AGBL4: variants seen among roughly 807,000 people sequenced by gnomAD.
The protein encoded by AGBL4 is AGBL carboxypeptidase 4, also known as cytosolic carboxypeptidase 6.
A neutral mutation model predicts 66.4 loss-of-function variants in AGBL4; 58 were observed. That is an observed-to-expected ratio of 0.87 (90% CI 0.71 to 1.09). The LOEUF (loss-of-function observed/expected upper bound fraction) is 1.09, where lower values mean the gene tolerates loss of function less well. Ranked by LOEUF, AGBL4 falls within the 50% of genes least tolerant of loss-of-function variation. AGBL4 has a pLI of 0.00. For synonymous variants in AGBL4, 234 were observed against 222.9 expected (o/e 1.05, Z -0.44); for missense variants, 579 against 631.0 (o/e 0.92, Z 0.88).
At chr1:49,085,292 AT>A (rs1644885883) in intron 4 of AGBL4, among the ~76,000 whole-genome samples, 1 of 151,532 alleles carries the variant, frequency 6.6e-6, no homozygotes, top group Non-Finnish European at 1.5e-5. Context: ...CATCATCATC[AT>A]CATCATCATC....
intron 6 of AGBL4, among the ~76,000 whole-genome samples, chr1:48,706,253 CAAA>C (rs1646879032): frequency 6.6e-6 from 1 of 151,604 alleles, no homozygotes; most frequent in South Asian, 2.1e-4. Context: ...AGAAAAATGC[CAAA>C]AGGAAACTTA....
At chr1:49,877,602 A>G (rs1031993331) in intron 1 of AGBL4, among the ~76,000 whole-genome samples, 9 of 152,058 alleles carry the variant, frequency 5.9e-5, no homozygotes, top group African/African-American at 2.2e-4. Context: ...TTCATCAAGG[A>G]TATTGGTCTA....
chr1:49,845,167 C>A, intron 2 of AGBL4: 2 of 1,409,450 alleles, frequency 1.4e-6, no homozygotes, highest in Non-Finnish European at 2.0e-6. Flanking sequence ...TTATGAATGT[C>A]ACAAATGAGG....
chr1:50,000,428 T>A (rs1019683028), intron 1 of AGBL4, among the ~76,000 whole-genome samples: 1 of 152,116 alleles, frequency 6.6e-6, no homozygotes, highest in South Asian at 2.1e-4. Flanking sequence ...TAATAAGATG[T>A]TGGCGTGGAT....
At chr1:49,303,167 A>G (rs1644786220) in intron 3 of AGBL4, among the ~76,000 whole-genome samples, 1 of 152,168 alleles carries the variant, frequency 6.6e-6, no homozygotes, top group African/African-American at 2.4e-5. Context: ...TTCTTTGAGT[A>G]TAATACCTTG....
At chr1:49,450,488 T>G (rs749401801) in intron 3 of AGBL4, among the ~76,000 whole-genome samples, 2 of 152,210 alleles carry the variant, frequency 1.3e-5, no homozygotes, top group African/African-American at 2.4e-5. Flanking sequence ...TTCCCATAGT[T>G]GGAGAGATTA....
At chr1:49,402,534 G>T (rs903397785) in intron 3 of AGBL4, among the ~76,000 whole-genome samples, 1 of 151,126 alleles carries the variant, frequency 6.6e-6, no homozygotes, top group South Asian at 2.1e-4. Flanking sequence ...TGTGGTCAGA[G>T]AAGATGCTTG....
chr1:48,974,197 G>A (rs973580895), intron 5 of AGBL4, among the ~76,000 whole-genome samples: 1 of 152,118 alleles, frequency 6.6e-6, no homozygotes, highest in African/African-American at 2.4e-5. Context: ...TTAGACTGCA[G>A]TGCAGTTCTA....
rs148915043 is a variant in AGBL4, at chr1:49,920,984, G to A, written c.35-69466C>T. Among the ~76,000 whole-genome samples, 846 of 152,210 alleles carry A rather than the reference G, an allele frequency of 5.6e-3. 13 individuals are homozygous for A. Among genetic ancestry groups the A allele is most frequent in the Non-Finnish European group, 5.6e-3 (382 of 68,008 alleles). On this transcript the variant is annotated intron_variant, in intron 1 of 13. Transcript: ENST00000371839. ...AAACTATCATTCTCAGCAAACTATC[G>A]CAAGGACAGAAAACCGAACACCGCA...
chr1:49,147,034 G>A (rs1557679342), intron 4 of AGBL4, among the ~76,000 whole-genome samples: 2 of 152,216 alleles, frequency 1.3e-5, no homozygotes, highest in Non-Finnish European at 2.9e-5. Context: ...GAAAAGCCAA[G>A]GGAGCAGGCT....
intron 3 of AGBL4, among the ~76,000 whole-genome samples, chr1:49,463,497 C>A (rs1436254049): frequency 6.6e-6 from 1 of 151,658 alleles, no homozygotes; most frequent in Non-Finnish European, 1.5e-5. Context: ...ATAAAGCTTC[C>A]TTGTATTACT....
At chr1:49,363,075 T>C (rs1443088732) in intron 3 of AGBL4, among the ~76,000 whole-genome samples, 2 of 152,054 alleles carry the variant, frequency 1.3e-5, no homozygotes, top group African/African-American at 4.8e-5. Flanking sequence ...CCATAGCATA[T>C]AGATGGTATA....
Position 49,886,373 on chromosome 1 carries a change from G to A in AGBL4, c.35-34855C>T, listed in dbSNP as rs529233676. Among the ~76,000 whole-genome samples, 7 of 152,062 alleles carry A rather than the reference G, an allele frequency of 4.6e-5. No individual in the cohort carries two copies. The South Asian group carries it at 8.3e-4, about 18-fold the overall frequency. ...AATGAGTTCCAAGAAGATTATGCACGGAGGAACAAAGTATTAACCTGAGTC... is the reference window on the plus strand; with the variant it reads ...AATGAGTTCCAAGAAGATTATGCACAGAGGAACAAAGTATTAACCTGAGTC... On this transcript the variant is annotated intron_variant, in intron 1 of 13. Transcript: ENST00000371839.
intron 4 of AGBL4, among the ~76,000 whole-genome samples, chr1:49,204,041 C>A (rs770450627): frequency 2.0e-5 from 3 of 152,150 alleles, no homozygotes; most frequent in Non-Finnish European, 4.4e-5. Context: ...GCAAGGTAGA[C>A]AGGGCCCTCA....
chr1:49,305,887 T>C (rs921323289), intron 3 of AGBL4, among the ~76,000 whole-genome samples: 1 of 152,072 alleles, frequency 6.6e-6, no homozygotes, highest in African/African-American at 2.4e-5. Context: ...ACAGGGCTTC[T>C]CCATGTTGGT....
intron 2 of AGBL4, among the ~76,000 whole-genome samples, chr1:49,823,040 G>C (rs1380182551): frequency 6.6e-6 from 1 of 152,150 alleles, no homozygotes; most frequent in Non-Finnish European, 1.5e-5. Context: ...CAGACTTTGG[G>C]AACAGTGGAG....
rs1357565079 is a variant in AGBL4 at position 49,372,642 on chromosome 1, TC to T, written c.283-126779del. ...TTCTTTCTTTCTTTCTTTCTTTCTT[TC>T]TTTCTTTCTTTCTTTCTTTCTTTCT... On this transcript the variant is annotated intron_variant, in intron 3 of 13. Transcript: ENST00000371839. Among the ~76,000 whole-genome samples the T allele has an allele frequency of 9.4e-5, 13 of 138,880 alleles. No individual in the cohort carries two copies. The East Asian group carries it at 1.0e-3, about 11-fold the overall frequency. The allele number at this position is 138,880 out of a possible 152,430, so 91.1% of individuals were successfully genotyped here.
At chr1:48,896,757 A>G (rs536771457) in intron 5 of AGBL4, among the ~76,000 whole-genome samples, 1 of 125,596 alleles carries the variant, frequency 8.0e-6, no homozygotes, top group African/African-American at 2.8e-5. Flanking sequence ...AAAGGTAGAG[A>G]ATATAATTTT....
intron 6 of AGBL4, among the ~76,000 whole-genome samples, chr1:48,835,045 C>T (rs986149653): frequency 6.6e-6 from 1 of 152,090 alleles, no homozygotes; most frequent in African/African-American, 2.4e-5. Context: ...CTATCATAGA[C>T]CCCAGGGTTC....
Sources: allele counts gnomAD v4.1 joint callset (sites outside exome capture counted in the v4.1 genomes callset), GRCh38; gene constraint gnomAD v4.1.1; transcripts MANE v1.5; gene names NCBI Gene and HGNC (gene_info 2026-07-23, HGNC 2026-07-21).